Variants in MAPKAPK5 observed in about 807,000 individuals in gnomAD.
MAPKAPK5 encodes MAP kinase-activated protein kinase 5.
In MAPKAPK5, 30 loss-of-function variants were observed where a neutral mutation model predicts 65.1. The ratio of observed to expected loss-of-function variants is 0.46; its 90% CI spans 0.34 to 0.63. MAPKAPK5 has a LOEUF of 0.63. MAPKAPK5 is among the 20% of genes least tolerant of loss of function. The pLI, the probability that MAPKAPK5 is intolerant of heterozygous loss-of-function variation, is 0.01. For synonymous variants in MAPKAPK5, 179 were observed against 204.6 expected, an observed-to-expected ratio of 0.87 and a Z score of 1.07; for missense variants, 433 against 581.4, an observed-to-expected ratio of 0.74 and a Z score of 2.63.
intron 13 of MAPKAPK5, among the ~76,000 whole-genome samples, chr12:111,891,546 C>T (rs1222591032): frequency 6.7e-6 from 1 of 149,704 alleles, no homozygotes; most frequent in Non-Finnish European, 1.5e-5. Context: ...GTAATCCCAA[C>T]ACTTTGGGAG....
In MAPKAPK5 at chr12:111,892,982, A is replaced by AT; in HGVS notation, c.1338dup (p.Lys447Ter). ...TTGCTTTCAGGTCGTGGATTCACAG[A>AT]TAAAGTAGATCGACTAAAACTGGCA... On this transcript the variant is annotated frameshift_variant, in exon 14 of 14. Coordinates refer to ENST00000550735, the MANE Select transcript of MAPKAPK5 (RefSeq NM_003668.4). LOFTEE classifies it high-confidence loss of function. The AT allele has an allele frequency of 6.3e-7, 1 of 1,575,914 alleles. No homozygotes were observed. The highest frequency in any genetic ancestry group is 8.6e-7 in the Non-Finnish European group (1 of 1,160,238).
intron 1 of MAPKAPK5, among the ~76,000 whole-genome samples, chr12:111,852,865 C>T (rs569384635): frequency 6.6e-6 from 1 of 152,224 alleles, no homozygotes; most frequent in African/African-American, 2.4e-5. Context: ...CCTCTGCCTC[C>T]CAGGTTCAAG....
chr12:111,881,158 C>T (rs2070195055), intron 8 of MAPKAPK5, among the ~76,000 whole-genome samples: 1 of 151,994 alleles, frequency 6.6e-6, no homozygotes, highest in Non-Finnish European at 1.5e-5. Context: ...ACTGCAACCT[C>T]CACCTCCTGT....
Position 111,901,296 on chromosome 12 carries a change from T to G in MAPKAPK5, c.*8235T>G, listed in dbSNP as rs1222745723. On this transcript the variant is annotated 3_prime_UTR_variant, in exon 14 of 14. Coordinates refer to ENST00000550735, the MANE Select transcript of MAPKAPK5 (RefSeq NM_003668.4). ...TAATGGGAAGGGAGTTTGTAATGAT[T>G]TAGGGCACTGCCACTGTAATGAAGG... The G allele has an allele frequency of 6.6e-6, 3 of 455,908 alleles. No homozygotes were observed. The highest frequency in any genetic ancestry group is 1.3e-5 in the Non-Finnish European group (3 of 226,808). 28.2% of individuals were successfully genotyped at this position (455,908 alleles called of 1,614,324 possible). A position where few individuals can be genotyped will look rare whatever the true frequency, so the allele number is the denominator to read the frequency against.
chr12:111,880,881 A>G (rs1036738344), intron 8 of MAPKAPK5, among the ~76,000 whole-genome samples: 1 of 152,206 alleles, frequency 6.6e-6, no homozygotes, highest in African/African-American at 2.4e-5. Context: ...CACTGAAAAC[A>G]TATGGTTGGC....
chr12:111,891,325 C>T (rs1266998122), intron 13 of MAPKAPK5, among the ~76,000 whole-genome samples: 10 of 150,520 alleles, frequency 6.6e-5, no homozygotes, highest in Admixed American at 5.9e-4. Context: ...TCGTCTCGAA[C>T]TCCTGACCTC....
At chr12:111,866,335 G>C (rs1188616143) in intron 3 of MAPKAPK5, 104 bp downstream of exon 3, 1 of 949,612 alleles carries the variant, frequency 1.1e-6, no homozygotes, top group Non-Finnish European at 1.6e-6. Flanking sequence ...TGCATAAAAA[G>C]TTTTATGTCC....
At position 111,900,916 on chromosome 12, in the gene MAPKAPK5, C is replaced by T. The variant is rs1183464388; in HGVS notation, c.*7855C>T. On this transcript the variant is annotated 3_prime_UTR_variant, in exon 14 of 14. Transcript: ENST00000550735. ...TTATATGGATATGGTGCAAAATCAG[C>T]CTCACAAGAGTGTTACAATTCAATG... 2 of 450,714 alleles carry T rather than the reference C, an allele frequency of 4.4e-6. No individual in the cohort carries two copies. The highest frequency in any genetic ancestry group is 2.4e-5 in the Admixed American group (1 of 42,214). 27.9% of individuals were successfully genotyped at this position (450,714 alleles called of 1,614,324 possible).
chr12:111,864,260 C>T (rs1459862552), intron 1 of MAPKAPK5, among the ~76,000 whole-genome samples: 2 of 151,806 alleles, frequency 1.3e-5, no homozygotes, highest in Non-Finnish European at 2.9e-5. Context: ...GGGTGACCCT[C>T]GGTCTTCTCG....
At chr12:111,866,923 T>C (rs2069633517) in intron 3 of MAPKAPK5, among the ~76,000 whole-genome samples, 1 of 152,070 alleles carries the variant, frequency 6.6e-6, no homozygotes, top group South Asian at 2.1e-4. Flanking sequence ...AAAATATACA[T>C]TGGGTTTGTT....
At position 111,870,311 on chromosome 12, in the gene MAPKAPK5, C is replaced by T. The variant is rs1341844200; in HGVS notation, c.434C>T (p.Ala145Val). Residue 145 changes from alanine (A) to valine (V), a missense_variant, in exon 6 of 14, where the codon GCG becomes GTG. Ala to Val is a moderately conservative substitution (Grantham distance 64). This residue lies in a region of MAPKAPK5 where 99 missense variants were observed against 185.8 expected (regional missense o/e 0.53). Transcript: ENST00000550735. Reference protein sequence around the residue: ...ALRHCHLLNIAHRDLKPENLL... With the variant: ...ALRHCHLLNIVHRDLKPENLL... ...CGGCACTGTCACTTGTTAAACATTGCGCACAGAGACCTCAAGCCTGAAAAT... is the reference window on the plus strand; with the variant it reads ...CGGCACTGTCACTTGTTAAACATTGTGCACAGAGACCTCAAGCCTGAAAAT... 10 of 1,610,164 alleles carry T rather than the reference C, an allele frequency of 6.2e-6. No individual in the cohort carries two copies. Among genetic ancestry groups the T allele is most frequent in the African/African-American group, 5.3e-5 (4 of 74,854 alleles).
chr12:111,892,295 T>A (rs574392134), intron 13 of MAPKAPK5, among the ~76,000 whole-genome samples: 1 of 152,348 alleles, frequency 6.6e-6, no homozygotes, highest in South Asian at 2.1e-4. Context: ...TCATTTATCT[T>A]ACGTGTATAG....
In MAPKAPK5 at chr12:111,888,976, G is replaced by T; in HGVS notation, c.1192G>T (p.Ala398Ser). 6.3e-7 allele frequency: 1 copy of T among 1,596,276 alleles called. No homozygotes were observed. The highest frequency in any genetic ancestry group is 1.1e-5 in the South Asian group (1 of 88,144). The change falls in exon 12 of 14, where the codon GCT becomes TCT. Residue 398 changes from alanine to serine, a missense_variant. Physicochemically the swap from Ala to Ser is moderately conservative, Grantham distance 99 (BLOSUM62 1). Coordinates refer to ENST00000550735, the MANE Select transcript of MAPKAPK5 (RefSeq NM_003668.4). The part of the protein sequence containing the change: ...VALEKLRDVI[A>S]QCILPQAGEN... ...CTTGGAAAAACTCCGAGATGTGATT[G>T]CTCAGTGTATTCTCCCCCAGGCTGG... is the stretch of plus-strand genomic sequence containing the variant.
intron 1 of MAPKAPK5, among the ~76,000 whole-genome samples, chr12:111,858,447 T>C (rs2069318481): frequency 6.6e-6 from 1 of 152,128 alleles, no homozygotes; most frequent in South Asian, 2.1e-4. Context: ...TTCTTTAATC[T>C]TTTTTCTGTC....
At chr12:111,874,457 T>G (rs1423502292) in intron 7 of MAPKAPK5, among the ~76,000 whole-genome samples, 1 of 151,080 alleles carries the variant, frequency 6.6e-6, no homozygotes, top group Non-Finnish European at 1.5e-5. Flanking sequence ...TGTTTTTTGT[T>G]TGTTTGTTTT....
chr12:111,866,695 C>T (rs912135940), intron 3 of MAPKAPK5, among the ~76,000 whole-genome samples: 6 of 152,126 alleles, frequency 3.9e-5, no homozygotes, highest in Admixed American at 2.6e-4. Flanking sequence ...CGGCAACCTC[C>T]GCCTCCCGGG....
intron 1 of MAPKAPK5, among the ~76,000 whole-genome samples, chr12:111,846,600 A>G (rs1437223952): frequency 4.0e-5 from 6 of 151,670 alleles, no homozygotes; most frequent in Non-Finnish European, 5.9e-5. Context: ...GGTTCAAGCA[A>G]TTCTTCTGCC....
rs765358791 is a variant in MAPKAPK5, at chr12:111,899,714, A to G, written c.*6653A>G. ...ATGACTGCCACTATGAAGGCTACATAGAAGGAGTGTCAGGTTCTTTTGTTT... is the reference window on the plus strand; with the variant it reads ...ATGACTGCCACTATGAAGGCTACATGGAAGGAGTGTCAGGTTCTTTTGTTT... On this transcript the variant is annotated 3_prime_UTR_variant, in exon 14 of 14. Transcript: ENST00000550735. The G allele has an allele frequency of 1.1e-4, 36 of 322,244 alleles. No homozygotes were observed. The highest frequency in any genetic ancestry group is 1.1e-3 in the Middle Eastern group (1 of 884). 20.0% of individuals were successfully genotyped at this position (322,244 alleles called of 1,614,324 possible). A position where few individuals can be genotyped will look rare whatever the true frequency, so the allele number is the denominator to read the frequency against.
chr12:111,846,865 A>G (rs1321014546), intron 1 of MAPKAPK5, among the ~76,000 whole-genome samples: 1 of 152,170 alleles, frequency 6.6e-6, no homozygotes, highest in Non-Finnish European at 1.5e-5. Flanking sequence ...TGCCTGGGAC[A>G]TGAATCATCC....
Sources: gnomAD v4.1 joint callset for allele counts (sites outside exome capture counted in the v4.1 genomes callset) on GRCh38, gnomAD v4.1.1 for gene constraint, gnomAD v4.1.1 regional missense constraint, MANE v1.5 for transcripts, NCBI Gene and HGNC (gene_info 2026-07-23, HGNC 2026-07-21) for gene names.